SCNN1B: variants seen among roughly 807,000 people sequenced by gnomAD.
The protein encoded by SCNN1B is epithelial sodium channel subunit beta.
Under a neutral mutation model 65.3 loss-of-function variants are expected in SCNN1B, and 46 were observed. The observed-to-expected ratio is 0.70, with a 90% confidence interval of 0.56 to 0.90. SCNN1B has a LOEUF of 0.90. SCNN1B is among the 40% of genes least tolerant of loss of function. The pLI, the probability that SCNN1B is intolerant of heterozygous loss-of-function variation, is 0.00. For missense variants in SCNN1B, 751 were observed against 830.5 expected (o/e 0.90, Z 1.18); for synonymous variants, 349 against 330.6 (o/e 1.06, Z -0.60).
At chr16:23,288,378 C>A (rs1042395333) in intron 2 of SCNN1B, among the ~76,000 whole-genome samples, 4 of 152,134 alleles carry the variant, frequency 2.6e-5, no homozygotes, top group Non-Finnish European at 4.4e-5. Context: ...ACTATTGCCA[C>A]GTAGCAAATT....
intron 1 of SCNN1B, among the ~76,000 whole-genome samples, chr16:23,346,615 CA>C (rs1257496097): frequency 6.6e-6 from 1 of 151,998 alleles, no homozygotes; most frequent in East Asian, 1.9e-4. Flanking sequence ...TAATCTTTAA[CA>C]CAGTCCACAA....
intron 5 of SCNN1B, among the ~76,000 whole-genome samples, chr16:23,368,934 A>G (rs192800622): frequency 2.0e-5 from 3 of 152,216 alleles, no homozygotes; most frequent in African/African-American, 7.2e-5. Flanking sequence ...CAAGAAATTA[A>G]TGAGTACAGT....
Position 23,380,316 on chromosome 16 carries a change from C to T in SCNN1B, c.1543-105C>T. ...TTATTCCCCTGGGCCAAGATGGTCACCCCCTCCCGTTCCCACCCAAGAATC... is the reference window on the plus strand; with the variant it reads ...TTATTCCCCTGGGCCAAGATGGTCATCCCCTCCCGTTCCCACCCAAGAATC... On this transcript the variant is annotated intron_variant, in intron 12 of 12. Transcript: ENST00000343070. This position sits in a 1 kb window ranked among gnomAD's most constrained non-coding sequence, Gnocchi z 5.4. The T allele has an allele frequency of 1.3e-6, 2 of 1,575,734 alleles. No homozygotes were observed. Among genetic ancestry groups the T allele is most frequent in the Non-Finnish European group, 1.7e-6 (2 of 1,148,296 alleles).
chr16:23,369,324 T>A lies in SCNN1B; in HGVS notation c.880+1365T>A, dbSNP rs531275325. Among the ~76,000 whole-genome samples the A allele has an allele frequency of 1.0e-3, 159 of 152,148 alleles. 1 individual carries two copies. Among genetic ancestry groups the A allele is most frequent in the Non-Finnish European group, 1.9e-3 (126 of 68,012 alleles). On this transcript the variant is annotated intron_variant, in intron 5 of 12. Transcript: ENST00000343070. ...GTCTTGACCTCCTGGGCTCAAGCAA[T>A]CTGCCCTCCTTGGCCTCTCAAAGTA...
chr16:23,376,899 A>G (rs1312224345), intron 8 of SCNN1B, among the ~76,000 whole-genome samples: 1 of 152,204 alleles, frequency 6.6e-6, no homozygotes, highest in Non-Finnish European at 1.5e-5. Flanking sequence ...TCATGACCCC[A>G]TAACCCTGTC....
At chr16:23,350,356 G>A (rs1230906600) in intron 2 of SCNN1B, among the ~76,000 whole-genome samples, 1 of 152,138 alleles carries the variant, frequency 6.6e-6, no homozygotes, top group African/African-American at 2.4e-5. Flanking sequence ...CTTCCGGATT[G>A]CCCGTTCTCC....
intron 1 of SCNN1B, among the ~76,000 whole-genome samples, chr16:23,302,709 G>A (rs1026743470): frequency 2.0e-5 from 3 of 152,184 alleles, no homozygotes; most frequent in South Asian, 2.1e-4. Context: ...TGGGACCTCA[G>A]AGACGGCGGC....
At chr16:23,327,937 C>T (rs1961730878) in intron 1 of SCNN1B, among the ~76,000 whole-genome samples, 1 of 152,188 alleles carries the variant, frequency 6.6e-6, no homozygotes, top group African/African-American at 2.4e-5. Context: ...TCTTCCGGAT[C>T]AGTTGGCAAG....
chr16:23,292,120 C>T (rs1235580852), intron 2 of SCNN1B, among the ~76,000 whole-genome samples: 1 of 151,664 alleles, frequency 6.6e-6, no homozygotes, highest in African/African-American at 2.4e-5. Context: ...CCCTTGGCAC[C>T]CTTAGTTCAT....
intron 1 of SCNN1B, among the ~76,000 whole-genome samples, chr16:23,323,917 C>T (rs1275145001): frequency 5.9e-5 from 9 of 152,170 alleles, no homozygotes; most frequent in Admixed American, 5.9e-4. Flanking sequence ...CTAAACTCAG[C>T]AACCACCTAC....
At chr16:23,349,372 A>C (rs774016269) in intron 2 of SCNN1B, among the ~76,000 whole-genome samples, 9 of 152,164 alleles carry the variant, frequency 5.9e-5, no homozygotes, top group Non-Finnish European at 8.8e-5. Context: ...CTGTGGTCTG[A>C]GCTGCATAGG....
chr16:23,311,338 G>A (rs573717122), intron 1 of SCNN1B, among the ~76,000 whole-genome samples: 11 of 152,280 alleles, frequency 7.2e-5, no homozygotes, highest in Non-Finnish European at 1.3e-4. Context: ...CTGGAAGGAG[G>A]ACTAAGATCT....
chr16:23,367,827 T>G, intron 4 of SCNN1B, 29 bp from the exon 5 acceptor site: 1 of 1,561,140 alleles, frequency 6.4e-7, no homozygotes, highest in Non-Finnish European at 8.8e-7. Flanking sequence ...TGGTGGAACC[T>G]GCCCTGCAGC....
upstream of SCNN1B, among the ~76,000 whole-genome samples, chr16:23,299,673 T>C (rs142228700): frequency 0.014 from 2,164 of 152,172 alleles, 28 homozygotes; most frequent in African/African-American, 0.029. Flanking sequence ...ATGGCAATCA[T>C]TAAAAAGTCA....
chr16:23,305,551 T>A (rs868729296), intron 1 of SCNN1B, among the ~76,000 whole-genome samples: 3,166 of 52,802 alleles, frequency 0.06, 403 homozygotes, highest in Non-Finnish European at 0.076. Context: ...TATATATATA[T>A]ATATATATAT....
At position 23,371,800 on chromosome 16, in the gene SCNN1B, C is replaced by T. The variant is rs932297365; in HGVS notation, c.1069C>T (p.Pro357Ser). The change falls in exon 7 of 13, where the codon CCC (proline) becomes TCC (serine). Residue 357 changes from proline (P) to serine (S), a missense_variant. Physicochemically the swap from Pro to Ser is moderately conservative, Grantham distance 74. Transcript: ENST00000343070. ...LVDKLQRMGE[P>S]YSPCTVNGSE... ...GGACAAGCTTCAGCGCATGGGGGAG[C>T]CCTACAGCCCGTGCACCGTGAATGG... The T allele has an allele frequency of 6.2e-7, 1 of 1,614,142 alleles. No individual in the cohort carries two copies. Among genetic ancestry groups the T allele is most frequent in the Non-Finnish European group, 8.5e-7 (1 of 1,179,936 alleles).
intron 1 of SCNN1B, among the ~76,000 whole-genome samples, chr16:23,315,211 C>T (rs577973765): frequency 8.5e-4 from 130 of 152,206 alleles, no homozygotes; most frequent in African/African-American, 3.0e-3. Flanking sequence ...ATGGTGCATG[C>T]CTGTAGTCCC....
At chr16:23,311,272 A>C (rs1022637878) in intron 1 of SCNN1B, among the ~76,000 whole-genome samples, 4 of 152,206 alleles carry the variant, frequency 2.6e-5, no homozygotes, top group Non-Finnish European at 5.9e-5. Flanking sequence ...TTCAGGACCA[A>C]TGTAGGCCAC....
chr16:23,344,744 A>C (rs767338680), intron 1 of SCNN1B, among the ~76,000 whole-genome samples: 9 of 152,164 alleles, frequency 5.9e-5, no homozygotes, highest in Non-Finnish European at 1.0e-4. Flanking sequence ...CTGTAGTCCA[A>C]GCACTTTGGG....
Sources: gnomAD v4.1 joint callset for allele counts (sites outside exome capture counted in the v4.1 genomes callset) on GRCh38, gnomAD v4.1.1 for gene constraint, Gnocchi (gnomAD v3.1) non-coding constraint, MANE v1.5 for transcripts, NCBI Gene and HGNC (gene_info 2026-07-23, HGNC 2026-07-21) for gene names.